MARCHF6: variants seen among roughly 807,000 people sequenced by gnomAD.
The protein encoded by MARCHF6 is membrane associated ring-CH-type finger 6.
In MARCHF6, 31 loss-of-function variants were observed where a neutral mutation model predicts 133.7. The observed-to-expected ratio is 0.23, with a 90% CI of 0.17 to 0.31. The LOEUF (loss-of-function observed/expected upper bound fraction) is 0.31, where lower values mean the gene tolerates loss of function less well. Among genes scored for constraint, MARCHF6 ranks in the 10% least tolerant of loss-of-function variants. The pLI, the probability that MARCHF6 is intolerant of heterozygous loss-of-function variation, is 1.00. For missense variants in MARCHF6, 723 were observed against 1,121.6 expected, an observed-to-expected ratio of 0.64 and a Z score of 5.08; for synonymous variants, 395 against 402.5, an observed-to-expected ratio of 0.98 and a Z score of 0.22.
intron 7 of MARCHF6, among the ~76,000 whole-genome samples, chr5:10,392,916 TAGACACTG>T (rs1200103228): frequency 6.6e-6 from 1 of 152,224 alleles, no homozygotes; most frequent in African/African-American, 2.4e-5. Context: ...CGTACTCTGT[TAGACACTG>T]AGCATATAAC....
chr5:10,384,015 A>C (rs1737319064), intron 4 of MARCHF6, among the ~76,000 whole-genome samples: 1 of 152,212 alleles, frequency 6.6e-6, no homozygotes, highest in African/African-American at 2.4e-5. Context: ...ACATTGTTAC[A>C]TTATTAATGA....
chr5:10,395,668 A>G (rs1738149662), intron 9 of MARCHF6, among the ~76,000 whole-genome samples: 1 of 152,192 alleles, frequency 6.6e-6, no homozygotes, highest in South Asian at 2.1e-4. Context: ...TGCTGGTTGG[A>G]ACATTAATTT....
chr5:10,418,560 T>C (rs957583525), intron 22 of MARCHF6, among the ~76,000 whole-genome samples: 1 of 152,220 alleles, frequency 6.6e-6, no homozygotes, highest in African/African-American at 2.4e-5. Context: ...GAGCTAGGTA[T>C]TGACTTCAGT....
At chr5:10,394,331 T>C (rs1205627023) in intron 8 of MARCHF6, among the ~76,000 whole-genome samples, 188 bp downstream of exon 8, 14 of 152,238 alleles carry the variant, frequency 9.2e-5, no homozygotes, top group Non-Finnish European at 1.0e-4. Flanking sequence ...GGTGGCTTTT[T>C]TTGGTCTTAC....
intron 17 of MARCHF6, among the ~76,000 whole-genome samples, chr5:10,408,465 C>T (rs959524350): frequency 6.6e-6 from 1 of 152,216 alleles, no homozygotes; most frequent in East Asian, 1.9e-4. Flanking sequence ...TCTCTGTTTA[C>T]AATGACTTGC....
intron 20 of MARCHF6, 62 bp downstream of exon 20, chr5:10,414,564 A>T: frequency 7.4e-7 from 1 of 1,351,652 alleles, no homozygotes. Context: ...TAGCTATTTG[A>T]CAGAGTCTTG....
intron 18 of MARCHF6, among the ~76,000 whole-genome samples, chr5:10,410,897 G>A (rs1307523553): frequency 1.3e-5 from 2 of 152,126 alleles, no homozygotes; most frequent in African/African-American, 4.8e-5. Flanking sequence ...GTAGCTACAT[G>A]TTGCAGTAGT....
chr5:10,402,805 G>T (rs1461918757), intron 14 of MARCHF6, among the ~76,000 whole-genome samples, 198 bp downstream of exon 14: 1 of 152,134 alleles, frequency 6.6e-6, no homozygotes, highest in Non-Finnish European at 1.5e-5. Context: ...AATTTTTGAT[G>T]TCAGGATAGT....
At chr5:10,417,175 T>C in intron 21 of MARCHF6, 95 bp from the exon 22 acceptor site, 1 of 1,384,542 alleles carries the variant, frequency 7.2e-7, no homozygotes, top group Non-Finnish European at 9.9e-7. Context: ...TGACTGTGGT[T>C]GCTCTGTTAG....
At chr5:10,363,943 G>A (rs995752704) in intron 1 of MARCHF6, among the ~76,000 whole-genome samples, 1 of 152,196 alleles carries the variant, frequency 6.6e-6, no homozygotes, top group Non-Finnish European at 1.5e-5. Flanking sequence ...GTCTGGAACT[G>A]GGGAGAGCAG....
intron 22 of MARCHF6, among the ~76,000 whole-genome samples, chr5:10,422,957 T>C (rs943918197): frequency 6.6e-6 from 1 of 151,974 alleles, no homozygotes; most frequent in Non-Finnish European, 1.5e-5. Context: ...CTGTAAAGAT[T>C]TTGGTTTTAT....
chr5:10,410,082 A>G (rs1739130259), intron 17 of MARCHF6, 57 bp from the exon 18 acceptor site: 1 of 1,568,956 alleles, frequency 6.4e-7, no homozygotes, highest in Admixed American at 1.7e-5. Flanking sequence ...TTGTAATCCC[A>G]TTAAATAGTA....
At chr5:10,360,493 G>A (rs1167510200) in intron 1 of MARCHF6, among the ~76,000 whole-genome samples, 1 of 152,146 alleles carries the variant, frequency 6.6e-6, no homozygotes, top group African/African-American at 2.4e-5. Context: ...TTGTTCAGGG[G>A]ACTCCTGTAT....
At position 10,394,767 on chromosome 5, in the gene MARCHF6, T is replaced by C; in HGVS notation, c.843T>C (p.Asp281=). ...GTTTATTTTAGATGCTAGGACTTGA[T>C]GGATCACTAGTTTTTCTGGTAAGTA... The part of the protein sequence containing the change: ...ELTWERMLGL[D]GSLVFLEHVF... The change falls in exon 9 of 26, where the codon GAT becomes GAC. Residue 281 remains aspartate, a synonymous_variant. Coordinates refer to ENST00000274140, the MANE Select transcript of MARCHF6 (RefSeq NM_005885.4). The C allele has an allele frequency of 6.3e-7, 1 of 1,588,198 alleles. No homozygotes were observed. Among genetic ancestry groups the C allele is most frequent in the Non-Finnish European group, 8.6e-7 (1 of 1,161,942 alleles).
rs544035688 is a variant in MARCHF6, at chr5:10,426,508, T to G, written c.2492T>G (p.Val831Gly). 1.0e-4 allele frequency: 161 copies of G among 1,614,064 alleles called. No homozygotes were observed. Among genetic ancestry groups the G allele is most frequent in the Non-Finnish European group, 1.3e-4 (151 of 1,179,986 alleles). Residue 831 changes from valine (V) to glycine (G), a missense_variant, in exon 24 of 26, where the codon GTT (valine) becomes GGT (glycine). By Grantham distance (109) the Val-to-Gly change is moderately radical. Around this residue, in one of 4 missense-constraint regions of MARCHF6, gnomAD observed 492 missense variants for 699.5 expected, o/e 0.70. Transcript: ENST00000274140. Reference protein sequence around the residue: ...LCVPYVIASGVVPLLGVTAEM... With the variant: ...LCVPYVIASGGVPLLGVTAEM... ...GTACCTTATGTCATAGCTTCTGGTGTTGTTCCTTTACTAGGTACGTAATGC... is the reference window on the plus strand; with the variant it reads ...GTACCTTATGTCATAGCTTCTGGTGGTGTTCCTTTACTAGGTACGTAATGC...
At chr5:10,431,652 A>T (rs10074518) in intron 25 of MARCHF6, among the ~76,000 whole-genome samples, 34 of 142,954 alleles carry the variant, frequency 2.4e-4, no homozygotes, top group Admixed American at 4.2e-4. Flanking sequence ...TGTGTGTGTG[A>T]GAGTGTATGT....
intron 22 of MARCHF6, among the ~76,000 whole-genome samples, chr5:10,420,564 A>T (rs747272001): frequency 1.3e-5 from 2 of 152,230 alleles, no homozygotes; most frequent in Non-Finnish European, 2.9e-5. Context: ...AGGCCAGAGC[A>T]TCCCGTGGCA....
chr5:10,383,163 T>C (rs1335863262), intron 4 of MARCHF6, among the ~76,000 whole-genome samples: 1 of 152,182 alleles, frequency 6.6e-6, no homozygotes, highest in Non-Finnish European at 1.5e-5. Flanking sequence ...ACTAGCAGAA[T>C]ATAGGTACTG....
At chr5:10,384,155 A>G (rs1737328742) in intron 4 of MARCHF6, among the ~76,000 whole-genome samples, 1 of 152,228 alleles carries the variant, frequency 6.6e-6, no homozygotes, top group Non-Finnish European at 1.5e-5. Context: ...TTAATTTGAG[A>G]TGAATTTAAA....
Sources: allele counts gnomAD v4.1 joint callset (sites outside exome capture counted in the v4.1 genomes callset), GRCh38; gene constraint gnomAD v4.1.1; regional missense constraint gnomAD v4.1.1; transcripts MANE v1.5; gene names NCBI Gene and HGNC (gene_info 2026-07-23, HGNC 2026-07-21).